Variants in CSNK1D observed in about 807,000 individuals in gnomAD.
The protein encoded by CSNK1D is casein kinase 1 delta.
CSNK1D carries 16 observed loss-of-function variants against 46.6 expected under a neutral mutation model. The observed-to-expected ratio is 0.34, with a 90% CI of 0.23 to 0.52. The LOEUF (loss-of-function observed/expected upper bound fraction) is 0.52, where lower values mean the gene tolerates loss of function less well. Ranked by LOEUF, CSNK1D falls within the 20% of genes least tolerant of loss-of-function variation. The probability of loss-of-function intolerance (pLI) is 0.95; values close to 1 mark genes in which losing one functional copy is unlikely to be tolerated. For synonymous variants in CSNK1D, 276 were observed against 228.2 expected, an observed-to-expected ratio of 1.21 and a Z score of -1.89; for missense variants, 398 against 578.4, an observed-to-expected ratio of 0.69 and a Z score of 3.20.
In CSNK1D at chr17:82,252,706, A is replaced by G. The variant is rs1415229713; in HGVS notation, c.566-102T>C. 5.0e-6 allele frequency: 6 copies of G among 1,211,118 alleles called. No individual in the cohort carries two copies. Among genetic ancestry groups the G allele is most frequent in the Non-Finnish European group, 5.9e-6 (5 of 847,724 alleles). The allele number at this position is 1,211,118 out of a possible 1,614,324, so 75.0% of individuals were successfully genotyped here. A position where few individuals can be genotyped will look rare whatever the true frequency, so the allele number is the denominator to read the frequency against. On this transcript the variant is annotated intron_variant, in intron 4 of 8. Transcript: ENST00000314028. This position sits in a 1 kb window ranked among gnomAD's most constrained non-coding sequence, Gnocchi z 4.6. ...CAGTGGAGACTAGCCTCAGACACAC[A>G]TGCCCAGATCACTCCAGCTGGCACT...
At chr17:82,265,340 G>T in intron 2 of CSNK1D, 1 of 352,286 alleles carries the variant, frequency 2.8e-6, no homozygotes, top group Non-Finnish European at 5.6e-6. Flanking sequence ...CATCACACTT[G>T]GCTAATTTTT....
downstream of CSNK1D, among the ~76,000 whole-genome samples, chr17:82,242,475 G>C (rs1458580880): frequency 6.6e-6 from 1 of 151,412 alleles, no homozygotes; most frequent in Non-Finnish European, 1.5e-5. Flanking sequence ...GCACGGCGAG[G>C]AGCAGTCGCC....
rs2050916251 is a variant in CSNK1D at position 82,248,769 on chromosome 17, A to G, written c.1197+106T>C. 6.5e-7 allele frequency: 1 copy of G among 1,528,582 alleles called. No homozygotes were observed. Among genetic ancestry groups the G allele is most frequent in the Non-Finnish European group, 8.8e-7 (1 of 1,140,048 alleles). 94.7% of individuals were successfully genotyped at this position (1,528,582 alleles called of 1,614,324 possible). A position where few individuals can be genotyped will look rare whatever the true frequency, so the allele number is the denominator to read the frequency against. On this transcript the variant is annotated intron_variant, in intron 8 of 8. Transcript: ENST00000314028. This position sits in a 1 kb window ranked among gnomAD's most constrained non-coding sequence, Gnocchi z 4.1. ...CTGGCGAGATTAAAAACTCTCAAAA[A>G]TGGGGGGAAGAAAGGAAAGAAGAAG...
intron 2 of CSNK1D, among the ~76,000 whole-genome samples, chr17:82,259,015 G>A (rs1439711594): frequency 6.6e-6 from 1 of 152,242 alleles, no homozygotes; most frequent in Non-Finnish European, 1.5e-5. Flanking sequence ...TGTCAGGAAA[G>A]AGAAGTGGCT....
Position 82,244,672 on chromosome 17 carries a change from G to A in CSNK1D, c.*109C>T, listed in dbSNP as rs1001662630. On this transcript the variant is annotated 3_prime_UTR_variant, in exon 9 of 9. Coordinates refer to ENST00000314028, the MANE Select transcript of CSNK1D (RefSeq NM_001893.6). The stretch of plus-strand genomic sequence containing the variant: ...TGGGTGAGTGGCCTGGAGAGCTCCC[G>A]GTGTTAACATTTCGATCCTAGACCG... 2.7e-5 allele frequency: 43 copies of A among 1,584,562 alleles called. No individual in the cohort carries two copies. The highest frequency in any genetic ancestry group is 1.2e-4 in the South Asian group (11 of 88,326).
In CSNK1D at chr17:82,265,673, G is replaced by A. The variant is rs766865681; in HGVS notation, c.187+13C>T. On this transcript the variant is annotated intron_variant, in intron 2 of 8. Transcript: ENST00000314028. ...AGAACCCTGGTGTTGCTCTGTGACT[G>A]GTAAAGACCTACCTCCTCCCTGCAT... is the stretch of plus-strand genomic sequence containing the variant. 3.1e-6 allele frequency: 5 copies of A among 1,592,930 alleles called. No homozygotes were observed. The highest frequency in any genetic ancestry group is 1.7e-4 in the Middle Eastern group (1 of 6,020).
chr17:82,265,943 A>C, intron 1 of CSNK1D, 147 bp from the exon 2 acceptor site: 1 of 743,492 alleles, frequency 1.3e-6, no homozygotes, highest in Non-Finnish European at 2.4e-6. Context: ...AGGCGGGCTA[A>C]TCGGCTGACA....
In CSNK1D at chr17:82,250,484, G is replaced by A. The variant is rs915994417; in HGVS notation, c.886-882C>T. 6 of 321,622 alleles carry A rather than the reference G, an allele frequency of 1.9e-5. No homozygotes were observed. Among genetic ancestry groups the A allele is most frequent in the Non-Finnish European group, 3.1e-5 (5 of 160,894 alleles). 19.9% of individuals were successfully genotyped at this position (321,622 alleles called of 1,614,324 possible). A position where few individuals can be genotyped will look rare whatever the true frequency, so the allele number is the denominator to read the frequency against. On this transcript the variant is annotated intron_variant, in intron 6 of 8. Transcript: ENST00000314028. This position sits in a 1 kb window ranked among gnomAD's most constrained non-coding sequence, Gnocchi z 4.6. ...CGAGGCAGCACAGCCCCGGCAGAGG[G>A]ACTGATCTGCCCTGCCGAGTGCACC...
At chr17:82,256,297 G>A (rs915302523) in intron 2 of CSNK1D, among the ~76,000 whole-genome samples, 1 of 152,148 alleles carries the variant, frequency 6.6e-6, no homozygotes, top group African/African-American at 2.4e-5. Flanking sequence ...GACTGCTTGA[G>A]CTCAGAAGTT....
chr17:82,265,753 T>C lies in CSNK1D; in HGVS notation c.120A>G (p.Glu40=), dbSNP rs1178703319. ...AAGEEVAIKL[E]CVKTKHPQLH... is the part of the protein sequence containing the mutation. ...GCTGAGGGTGTTTGGTTTTGACACA[T>C]TCAAGCTTGATGGCAACCTCTTCTC... The change falls in exon 2 of 9, where the codon GAA becomes GAG. Residue 40 remains glutamate (E), a synonymous_variant. Coordinates refer to ENST00000314028, the MANE Select transcript of CSNK1D (RefSeq NM_001893.6). 12 of 1,614,180 alleles carry C rather than the reference T, an allele frequency of 7.4e-6. No homozygotes were observed. Among genetic ancestry groups the C allele is most frequent in the Non-Finnish European group, 6.8e-6 (8 of 1,180,016 alleles).
intron 1 of CSNK1D, among the ~76,000 whole-genome samples, chr17:82,268,707 G>A (rs1212918948): frequency 6.6e-6 from 1 of 152,232 alleles, no homozygotes; most frequent in Non-Finnish European, 1.5e-5. Flanking sequence ...ATCCTGGTCT[G>A]CTGTGAGACA....
chr17:82,246,170 C>A, intron 8 of CSNK1D: 1 of 1,540,784 alleles, frequency 6.5e-7, no homozygotes, highest in Non-Finnish European at 8.7e-7. Context: ...CCTGGGGGAG[C>A]CCAGGCACAG....
Position 82,243,622 on chromosome 17 carries a change from GT to G in CSNK1D, c.*1158del. The G allele has an allele frequency of 1.0e-6, 1 of 985,512 alleles. No homozygotes were observed. The highest frequency in any genetic ancestry group is 1.2e-6 in the Non-Finnish European group (1 of 829,962). 61.0% of individuals were successfully genotyped at this position (985,512 alleles called of 1,614,324 possible). ...GAAGGTTCTGGGTCCGGTTGGGAGA[GT>G]CACCTGCTCCTTGGCACCTCAGGGT... On this transcript the variant is annotated 3_prime_UTR_variant, in exon 9 of 9. Transcript: ENST00000314028.
At chr17:82,270,442 T>C (rs1401124426) in intron 1 of CSNK1D, among the ~76,000 whole-genome samples, 1 of 152,186 alleles carries the variant, frequency 6.6e-6, no homozygotes, top group Non-Finnish European at 1.5e-5. Context: ...ACCTGGAGGA[T>C]ACCAAAGTGA....
chr17:82,242,692 T>C lies in CSNK1D; in HGVS notation c.*2089A>G, dbSNP rs2050758365. 1 of 985,344 alleles carries C rather than the reference T, an allele frequency of 1.0e-6. No individual in the cohort carries two copies. The highest frequency in any genetic ancestry group is 1.2e-6 in the Non-Finnish European group (1 of 829,918). 61.0% of individuals were successfully genotyped at this position (985,344 alleles called of 1,614,324 possible). A position where few individuals can be genotyped will look rare whatever the true frequency, so the allele number is the denominator to read the frequency against. ...AAAGGTAGAAGTCATTATGAATTTA[T>C]TATTTACACGATTGTTAAAGTACAC... On this transcript the variant is annotated 3_prime_UTR_variant, in exon 9 of 9. Coordinates refer to ENST00000314028, the MANE Select transcript of CSNK1D (RefSeq NM_001893.6).
downstream of CSNK1D, chr17:82,239,864 C>T (rs1374475779): frequency 3.5e-6 from 2 of 565,772 alleles, no homozygotes; most frequent in Non-Finnish European, 2.6e-6. Context: ...CCCTGTCCTC[C>T]ATCCAGCCCG....
At chr17:82,265,213 C>T in intron 2 of CSNK1D, 1 of 218,566 alleles carries the variant, frequency 4.6e-6, no homozygotes, top group Non-Finnish European at 9.3e-6. Flanking sequence ...GGGTCTCACT[C>T]TGTCGCCCAG....
intron 8 of CSNK1D, chr17:82,246,463 C>T (rs1475829307): frequency 1.8e-6 from 2 of 1,125,858 alleles, no homozygotes; most frequent in Non-Finnish European, 2.2e-6. Context: ...AGCGAGTCAT[C>T]GACTGTTGGA....
At chr17:82,240,342 G>C (rs1568545231), downstream of CSNK1D, among the ~76,000 whole-genome samples, 1 of 152,308 alleles carries the variant, frequency 6.6e-6, no homozygotes, top group East Asian at 1.9e-4. Context: ...GAGCAGACGA[G>C]GAGGTGGGGA....
Sources: gnomAD v4.1 joint callset for allele counts (sites outside exome capture counted in the v4.1 genomes callset) on GRCh38, gnomAD v4.1.1 for gene constraint, Gnocchi (gnomAD v3.1) non-coding constraint, MANE v1.5 for transcripts, NCBI Gene and HGNC (gene_info 2026-07-23, HGNC 2026-07-21) for gene names.